SLC10A7: variants seen among roughly 807,000 people sequenced by gnomAD.
SLC10A7 encodes the protein solute carrier family 10 member 7, also known as sodium/bile acid cotransporter 7.
Under a neutral mutation model 43.2 loss-of-function variants are expected in SLC10A7, and 29 were observed. The observed-to-expected ratio is 0.67, with a 90% CI of 0.50 to 0.92. SLC10A7 has a LOEUF of 0.92. Ranked by LOEUF, SLC10A7 falls within the 40% of genes least tolerant of loss-of-function variation. The pLI is 0.00. For synonymous variants in SLC10A7, 152 were observed against 144.8 expected, an observed-to-expected ratio of 1.05 and a Z score of -0.35; for missense variants, 295 against 403.2, an observed-to-expected ratio of 0.73 and a Z score of 2.30.
chr4:146,336,388 C>T (rs1578916818), intron 5 of SLC10A7, among the ~76,000 whole-genome samples: 2 of 152,204 alleles, frequency 1.3e-5, no homozygotes, highest in Non-Finnish European at 1.5e-5. Context: ...CTTTGTAACT[C>T]CTTACAACCC....
chr4:146,262,933 G>A (rs1412265073), intron 10 of SLC10A7, among the ~76,000 whole-genome samples: 1 of 152,196 alleles, frequency 6.6e-6, no homozygotes, highest in Non-Finnish European at 1.5e-5. Context: ...AGCATAAGAG[G>A]ACTTCATGAC....
At chr4:146,273,575 G>A (rs749031710) in intron 10 of SLC10A7, among the ~76,000 whole-genome samples, 1 of 152,134 alleles carries the variant, frequency 6.6e-6, no homozygotes, top group Non-Finnish European at 1.5e-5. Flanking sequence ...ACCTGGCATA[G>A]AGTGAGCATC....
chr4:146,343,910 C>A (rs12501907), intron 5 of SLC10A7, among the ~76,000 whole-genome samples: 1 of 151,958 alleles, frequency 6.6e-6, no homozygotes, highest in African/African-American at 2.4e-5. Flanking sequence ...CAAAACTCAT[C>A]TAAAGGAATG....
chr4:146,337,498 C>T (rs1012715723), intron 5 of SLC10A7, among the ~76,000 whole-genome samples: 1 of 151,440 alleles, frequency 6.6e-6, no homozygotes, highest in Non-Finnish European at 1.5e-5. Context: ...GTTCCTATGG[C>T]CTGAATATTA....
chr4:146,288,210 G>A (rs1730163615), intron 9 of SLC10A7, among the ~76,000 whole-genome samples: 1 of 152,282 alleles, frequency 6.6e-6, no homozygotes, highest in African/African-American at 2.4e-5. Context: ...CCTCAATAGG[G>A]TTGACTTGTA....
chr4:146,272,174 T>C (rs1234640399), intron 10 of SLC10A7, among the ~76,000 whole-genome samples: 2 of 152,122 alleles, frequency 1.3e-5, no homozygotes, highest in Non-Finnish European at 2.9e-5. Flanking sequence ...ATGTAGATTA[T>C]GTTTTAAAAG....
chr4:146,314,726 G>C (rs1222631593), intron 6 of SLC10A7, among the ~76,000 whole-genome samples: 1 of 152,118 alleles, frequency 6.6e-6, no homozygotes, highest in Non-Finnish European at 1.5e-5. Flanking sequence ...TGTTTCAAGA[G>C]GTCTTGATGC....
chr4:146,459,459 T>C (rs1732345231), intron 4 of SLC10A7, among the ~76,000 whole-genome samples: 1 of 151,808 alleles, frequency 6.6e-6, no homozygotes, highest in Non-Finnish European at 1.5e-5. Context: ...AATGTGGTAC[T>C]GGCTTAAGGA....
intron 5 of SLC10A7, among the ~76,000 whole-genome samples, chr4:146,410,442 A>G (rs762070106): frequency 6.6e-6 from 1 of 152,200 alleles, no homozygotes; most frequent in Non-Finnish European, 1.5e-5. Flanking sequence ...AAGGAAAGCT[A>G]CTGCTCTAAT....
intron 4 of SLC10A7, among the ~76,000 whole-genome samples, chr4:146,459,144 C>T (rs1197699061): frequency 1.3e-5 from 2 of 151,590 alleles, no homozygotes; most frequent in Non-Finnish European, 3.0e-5. Context: ...ATAAAGCTAA[C>T]AAAATACGTG....
chr4:146,340,314 G>A (rs1039877675), intron 5 of SLC10A7, among the ~76,000 whole-genome samples: 2 of 151,738 alleles, frequency 1.3e-5, no homozygotes, highest in African/African-American at 4.8e-5. Flanking sequence ...CTGGTCAATG[G>A]ACTTTTTTTG....
chr4:146,389,496 T>G (rs1008009699), intron 5 of SLC10A7, among the ~76,000 whole-genome samples: 9 of 152,174 alleles, frequency 5.9e-5, no homozygotes, highest in African/African-American at 2.2e-4. Flanking sequence ...AAGAAATAAA[T>G]GTTTTTGTTA....
At chr4:146,452,187 C>T (rs892854372) in intron 4 of SLC10A7, among the ~76,000 whole-genome samples, 1 of 152,064 alleles carries the variant, frequency 6.6e-6, no homozygotes, top group African/African-American at 2.4e-5. Context: ...TTAGTATAAT[C>T]TCTTGTTCCT....
At chr4:146,294,165 G>A (rs1730627915) in intron 7 of SLC10A7, 70 bp from the exon 8 acceptor site, 2 of 1,218,320 alleles carry the variant, frequency 1.6e-6, no homozygotes, top group Admixed American at 2.5e-5. Flanking sequence ...ATCACAAAGT[G>A]ATTCTGACAG....
intron 4 of SLC10A7, among the ~76,000 whole-genome samples, chr4:146,447,594 A>G (rs113137780): frequency 3.3e-5 from 5 of 152,116 alleles, no homozygotes; most frequent in African/African-American, 1.2e-4. Context: ...TTTATTATTA[A>G]CTCATAAAAT....
intron 5 of SLC10A7, among the ~76,000 whole-genome samples, chr4:146,440,491 T>A (rs1429082030): frequency 6.6e-6 from 1 of 152,122 alleles, no homozygotes; most frequent in South Asian, 2.1e-4. Context: ...TGGCCCATGA[T>A]GAGACCATGA....
At chr4:146,507,457 G>C (rs996727865) in intron 3 of SLC10A7, among the ~76,000 whole-genome samples, 6 of 152,162 alleles carry the variant, frequency 3.9e-5, no homozygotes, top group African/African-American at 1.4e-4. Flanking sequence ...CTACTCAGGA[G>C]GCTTGAGGCA....
intron 5 of SLC10A7, among the ~76,000 whole-genome samples, chr4:146,413,681 C>T (rs1728359942): frequency 6.6e-6 from 1 of 152,112 alleles, no homozygotes; most frequent in African/African-American, 2.4e-5. Flanking sequence ...CGTTTGCAGA[C>T]TTTCCATTCA....
At chr4:146,275,157 T>G (rs1729128134) in intron 10 of SLC10A7, among the ~76,000 whole-genome samples, 1 of 152,206 alleles carries the variant, frequency 6.6e-6, no homozygotes, top group Admixed American at 6.5e-5. Flanking sequence ...TCAGAATCAG[T>G]AGGCTTGAGC....
Sources: gnomAD v4.1 joint callset for allele counts (sites outside exome capture counted in the v4.1 genomes callset) on GRCh38, gnomAD v4.1.1 for gene constraint, MANE v1.5 for transcripts, NCBI Gene and HGNC (gene_info 2026-07-23, HGNC 2026-07-21) for gene names.